EPB41L2: variants seen among roughly 807,000 people sequenced by gnomAD.
EPB41L2 encodes band 4.1-like protein 2.
Under a neutral mutation model 113.0 loss-of-function variants are expected in EPB41L2, and 43 were observed. That is an observed-to-expected ratio of 0.38 (90% CI 0.30 to 0.49). The LOEUF is 0.49. Among genes scored for constraint, EPB41L2 ranks in the 20% least tolerant of loss-of-function variants. EPB41L2 has a pLI of 0.95. For missense variants in EPB41L2, 1,147 were observed against 1,223.4 expected, an observed-to-expected ratio of 0.94 and a Z score of 0.93; for synonymous variants, 442 against 436.7, an observed-to-expected ratio of 1.01 and a Z score of -0.15.
chr6:130,954,197 C>A (rs929971233), intron 3 of EPB41L2, among the ~76,000 whole-genome samples: 1 of 151,162 alleles, frequency 6.6e-6, no homozygotes, highest in Admixed American at 6.6e-5. Flanking sequence ...GGAATACTGG[C>A]GCCCGCCACT....
chr6:130,943,338 G>C (rs1811559836), intron 3 of EPB41L2, among the ~76,000 whole-genome samples: 1 of 152,208 alleles, frequency 6.6e-6, no homozygotes, highest in Admixed American at 6.5e-5. Flanking sequence ...TGTCCAAACT[G>C]ATTTTAAAGC....
At chr6:130,885,326 G>A (rs1165812459) in intron 11 of EPB41L2, 58 bp from the exon 12 acceptor site, 1 of 1,570,158 alleles carries the variant, frequency 6.4e-7, no homozygotes. Context: ...AAACTTTATG[G>A]AAAATTTCCC....
intron 3 of EPB41L2, among the ~76,000 whole-genome samples, chr6:130,928,709 T>C (rs1244900274): frequency 1.3e-5 from 2 of 152,250 alleles, no homozygotes; most frequent in Non-Finnish European, 2.9e-5. Flanking sequence ...TGGCAGTACA[T>C]GAGGTATCAG....
rs1037471303 is a variant in EPB41L2 at position 131,063,225 on chromosome 6, C to G, written c.-85G>C. ...CCGCCGGCAGCCGCGCCTGCCTCCT[C>G]CCTCCGCTAGGTTTCAAATTGAAAT... On this transcript the variant is annotated 5_prime_UTR_variant, in exon 1 of 20. Transcript: ENST00000337057. 1 of 152,620 alleles carries G rather than the reference C, an allele frequency of 6.6e-6. No homozygotes were observed. The allele number at this position is 152,620 out of a possible 1,614,324, so 9.5% of individuals were successfully genotyped here. A position where few individuals can be genotyped will look rare whatever the true frequency, so the allele number is the denominator to read the frequency against.
chr6:130,910,237 C>T (rs1798950527), intron 4 of EPB41L2, among the ~76,000 whole-genome samples: 1 of 152,130 alleles, frequency 6.6e-6, no homozygotes, highest in Non-Finnish European at 1.5e-5. Context: ...CATCTACAAC[C>T]ATCTGATTTT....
intron 19 of EPB41L2, among the ~76,000 whole-genome samples, chr6:130,854,684 T>C (rs1779703478): frequency 1.3e-5 from 2 of 152,208 alleles, no homozygotes; most frequent in South Asian, 2.1e-4. Context: ...GCTATTACCT[T>C]ATGTTTGTAT....
intron 3 of EPB41L2, among the ~76,000 whole-genome samples, chr6:130,946,736 A>T (rs1812960868): frequency 6.6e-6 from 1 of 152,160 alleles, no homozygotes; most frequent in South Asian, 2.1e-4. Context: ...GAATATATTA[A>T]TTATATAGAG....
chr6:130,867,694 A>G, intron 15 of EPB41L2, 113 bp from the exon 16 acceptor site: 1 of 1,363,974 alleles, frequency 7.3e-7, no homozygotes, highest in Non-Finnish European at 1.0e-6. Flanking sequence ...ACTCATGCAC[A>G]AAAGAAAAGA....
chr6:131,023,360 T>C (rs868867220), intron 1 of EPB41L2, among the ~76,000 whole-genome samples: 2 of 152,214 alleles, frequency 1.3e-5, no homozygotes, highest in Non-Finnish European at 1.5e-5. Context: ...ATTAATTCCA[T>C]CTACTATTTA....
chr6:130,851,033 T>C (rs1457868877), intron 19 of EPB41L2, among the ~76,000 whole-genome samples: 2 of 152,196 alleles, frequency 1.3e-5, no homozygotes, highest in Admixed American at 6.5e-5. Flanking sequence ...GATTAATCTA[T>C]ATTGAAAATG....
At chr6:130,883,865 AG>A (rs1337758865) in intron 12 of EPB41L2, among the ~76,000 whole-genome samples, 1 of 152,206 alleles carries the variant, frequency 6.6e-6, no homozygotes, top group East Asian at 1.9e-4. Context: ...CTTGCTATAC[AG>A]GTAGCACTTG....
chr6:130,975,327 G>C (rs1777953394), intron 1 of EPB41L2, among the ~76,000 whole-genome samples: 1 of 152,056 alleles, frequency 6.6e-6, no homozygotes, highest in African/African-American at 2.4e-5. Context: ...AAGGAAGTTG[G>C]TTAAGGTTAG....
chr6:130,968,897 A>G (rs1776035926), intron 1 of EPB41L2, among the ~76,000 whole-genome samples: 3 of 152,180 alleles, frequency 2.0e-5, no homozygotes, highest in Admixed American at 2.0e-4. Context: ...CTTGAAGTTC[A>G]ACATTTGCAA....
At chr6:130,955,808 A>AC (rs1562582139) in intron 2 of EPB41L2, among the ~76,000 whole-genome samples, 186 bp downstream of exon 2, 3 of 152,138 alleles carry the variant, frequency 2.0e-5, no homozygotes, top group Non-Finnish European at 1.5e-5. Flanking sequence ...TATATAGGGG[A>AC]CTTTTTTTTC....
chr6:131,052,058 T>G (rs1377345051), intron 1 of EPB41L2, among the ~76,000 whole-genome samples: 1 of 151,878 alleles, frequency 6.6e-6, no homozygotes, highest in Non-Finnish European at 1.5e-5. Flanking sequence ...TGCCTCAGCC[T>G]GCCAAGTAGC....
rs371433906 is a variant in EPB41L2 at position 130,867,590 on chromosome 6, G to C, written c.2608-9C>G. ...GTTTTTACCACTGGTGGCTGAGGTGGAAAAGGAAGGGAAAAATAAATTCTA... is the reference window on the plus strand; with the variant it reads ...GTTTTTACCACTGGTGGCTGAGGTGCAAAAGGAAGGGAAAAATAAATTCTA... On this transcript the variant is annotated splice_polypyrimidine_tract_variant and intron_variant, in intron 15 of 19. Coordinates refer to ENST00000337057, the MANE Select transcript of EPB41L2 (RefSeq NM_001431.4). 6.1e-5 allele frequency: 99 copies of C among 1,613,466 alleles called. No individual in the cohort carries two copies. The highest frequency in any genetic ancestry group is 4.3e-4 in the Admixed American group (26 of 59,966).
intron 5 of EPB41L2, among the ~76,000 whole-genome samples, chr6:130,907,646 A>G (rs1798121590): frequency 6.6e-6 from 1 of 152,166 alleles, no homozygotes; most frequent in Non-Finnish European, 1.5e-5. Flanking sequence ...TGGGAAAAAT[A>G]AGGTATATGC....
At chr6:131,056,159 G>T (rs1012874169) in intron 1 of EPB41L2, among the ~76,000 whole-genome samples, 1 of 152,108 alleles carries the variant, frequency 6.6e-6, no homozygotes, top group South Asian at 2.1e-4. Flanking sequence ...ATGTGTGCAG[G>T]TATATTTCAC....
At chr6:130,928,370 C>G (rs1805504329) in intron 3 of EPB41L2, among the ~76,000 whole-genome samples, 1 of 152,212 alleles carries the variant, frequency 6.6e-6, no homozygotes. Context: ...TTGCCTTAAT[C>G]TGCTCATCTG....
Sources: allele counts gnomAD v4.1 joint callset (sites outside exome capture counted in the v4.1 genomes callset), GRCh38; gene constraint gnomAD v4.1.1; transcripts MANE v1.5; gene names NCBI Gene and HGNC (gene_info 2026-07-23, HGNC 2026-07-21).